The following GCN1 variants were observed in gnomAD, a reference collection of about 807,000 sequenced individuals.
GCN1 encodes GCN1 activator of EIF2AK4.
A neutral mutation model predicts 288.4 loss-of-function variants in GCN1; 90 were observed. That is an observed-to-expected ratio of 0.31 (90% CI 0.26 to 0.37). The LOEUF (loss-of-function observed/expected upper bound fraction) is 0.37. Ranked by LOEUF, GCN1 falls within the 10% of genes least tolerant of loss-of-function variation. GCN1 has a pLI of 1.00. For missense variants in GCN1, 2,586 were observed against 3,419.9 expected (o/e 0.76, Z 6.08); for synonymous variants, 1,386 against 1,420.2 (o/e 0.98, Z 0.54).
intron 5 of GCN1, among the ~76,000 whole-genome samples, chr12:120,179,263 G>A (rs149992212): frequency 0.025 from 3,769 of 151,938 alleles, 157 homozygotes; most frequent in African/African-American, 0.084. Context: ...ACGGAGTCTC[G>A]CTCTGTCGCC....
chr12:120,157,932 A>ACTCCTC lies in GCN1; in HGVS notation c.2998_3003dup (p.Glu1000_Glu1001dup). 6.2e-7 allele frequency: 1 copy of ACTCCTC among 1,612,740 alleles called. No individual in the cohort carries two copies. Among genetic ancestry groups the ACTCCTC allele is most frequent in the Non-Finnish European group, 8.5e-7 (1 of 1,179,534 alleles). ...AGGATCTGAAGAATCTGGGCCATCC[A>ACTCCTC]CTCCTCCTCCTCCTCACTGTGGTGG... is the stretch of plus-strand genomic sequence containing the variant. On this transcript the variant is annotated inframe_insertion, in exon 26 of 58. Coordinates refer to ENST00000300648, the MANE Select transcript of GCN1 (RefSeq NM_006836.2).
intron 23 of GCN1, 49 bp downstream of exon 23, chr12:120,160,093 C>T: frequency 1.3e-6 from 2 of 1,586,450 alleles, no homozygotes; most frequent in African/African-American, 2.7e-5. Flanking sequence ...CAGGACCAAG[C>T]TGCCCAGCAC....
rs1877630232 is a variant in GCN1 at position 120,153,320 on chromosome 12, C to A, written c.3955G>T (p.Val1319Leu). The change falls in exon 33 of 58, where the codon GTG becomes TTG. Residue 1319 changes from valine (V) to leucine (L), a missense_variant. Physicochemically the swap from Val to Leu is conservative, Grantham distance 32. Transcript: ENST00000300648. This position sits in a 1 kb window ranked among gnomAD's most constrained non-coding sequence, Gnocchi z 4.4. ...GCCAGAGAGCCCATCAGGACCACCA[C>A]ACTCTGTCGCACAGCATCATAGCTG... ...DASYDAVRQSVVVLMGSLAKH... is the reference protein window; with the variant it reads ...DASYDAVRQSLVVLMGSLAKH... 1 of 1,614,078 alleles carries A rather than the reference C, an allele frequency of 6.2e-7. No individual in the cohort carries two copies. The highest frequency in any genetic ancestry group is 1.3e-5 in the African/African-American group (1 of 74,942).
chr12:120,189,311 T>C (rs1184023650), intron 2 of GCN1, among the ~76,000 whole-genome samples: 2 of 151,716 alleles, frequency 1.3e-5, no homozygotes, highest in Admixed American at 6.6e-5. Flanking sequence ...GACCTCGTGA[T>C]CCACTCGCCT....
rs1878381215 is a variant in GCN1 at position 120,173,719 on chromosome 12, T to C, written c.1300A>G (p.Ser434Gly). ...ACCGCAGATGTGGAGGTTTTAAGGCTGAAAGCTTTTTTGAACCATTCAGTG... is the reference window on the plus strand; with the variant it reads ...ACCGCAGATGTGGAGGTTTTAAGGCCGAAAGCTTTTTTGAACCATTCAGTG... ...KLTEWFKKAF[S>G]LKTSTSAVRH... The change falls in exon 14 of 58, where the codon AGC becomes GGC. Residue 434 changes from serine to glycine, a missense_variant. Physicochemically the swap from Ser to Gly is moderately conservative, Grantham distance 56. This residue lies in a region of GCN1 where 913 missense variants were observed against 1,107.0 expected (regional missense o/e 0.82). Coordinates refer to ENST00000300648, the MANE Select transcript of GCN1 (RefSeq NM_006836.2). 6.8e-6 allele frequency: 11 copies of C among 1,613,296 alleles called. No homozygotes were observed. Among genetic ancestry groups the C allele is most frequent in the Non-Finnish European group, 9.3e-6 (11 of 1,179,202 alleles).
chr12:120,188,027 C>T (rs1036082915), intron 2 of GCN1, among the ~76,000 whole-genome samples: 4 of 152,140 alleles, frequency 2.6e-5, no homozygotes, highest in Non-Finnish European at 4.4e-5. Flanking sequence ...AATGTGTTCC[C>T]CAGACCCTCA....
At chr12:120,159,679 G>C (rs944780907) in intron 24 of GCN1, 146 bp downstream of exon 24, 1 of 682,538 alleles carries the variant, frequency 1.5e-6, no homozygotes, top group Non-Finnish European at 2.6e-6. Flanking sequence ...TATCCAGCTT[G>C]AGTCTCCAAG....
chr12:120,179,076 C>CCACT (rs1878569063), intron 5 of GCN1, 126 bp from the exon 6 acceptor site: 5 of 709,808 alleles, frequency 7.0e-6, no homozygotes, highest in African/African-American at 1.8e-5. Flanking sequence ...TCAGCCTCTC[C>CCACT]CACTCAACTC....
At chr12:120,133,772 A>G (rs1876906430) in intron 53 of GCN1, among the ~76,000 whole-genome samples, 1 of 152,216 alleles carries the variant, frequency 6.6e-6, no homozygotes, top group Non-Finnish European at 1.5e-5. Context: ...CCTCATCTAT[A>G]AAATAGAAAT....
intron 15 of GCN1, among the ~76,000 whole-genome samples, chr12:120,169,245 C>T (rs940100149): frequency 2.7e-4 from 36 of 132,010 alleles, no homozygotes; most frequent in Non-Finnish European, 4.4e-4. Context: ...CCACTGCACT[C>T]CAGCCTGGGC....
At position 120,164,996 on chromosome 12, in the gene GCN1, CAT is replaced by C. The variant is rs199612431; in HGVS notation, c.1613-277_1613-276del. Among the ~76,000 whole-genome samples the C allele has an allele frequency of 7.7e-3, 843 of 108,868 alleles. 7 individuals carry two copies. Among genetic ancestry groups the C allele is most frequent in the Non-Finnish European group, 0.011 (588 of 55,564 alleles). 71.4% of individuals were successfully genotyped at this position (108,868 alleles called of 152,430 possible). A position where few individuals can be genotyped will look rare whatever the true frequency, so the allele number is the denominator to read the frequency against. On this transcript the variant is annotated intron_variant, in intron 16 of 57. Transcript: ENST00000300648. ...ATATATATACATATACATATATACACATATATACACACACACACACACACACA... is the reference window on the plus strand; with the variant it reads ...ATATATATACATATACATATATACACATATACACACACACACACACACACA...
At position 120,156,484 on chromosome 12, in the gene GCN1, T is replaced by G; in HGVS notation, c.3289A>C (p.Ser1097Arg). 2.5e-6 allele frequency: 4 copies of G among 1,613,984 alleles called. No individual in the cohort carries two copies. Among genetic ancestry groups the G allele is most frequent in the Non-Finnish European group, 3.4e-6 (4 of 1,179,956 alleles). Residue 1097 changes from serine (S) to arginine (R), a missense_variant, in exon 28 of 58, where the codon AGC (serine) becomes CGC (arginine). Coordinates refer to ENST00000300648, the MANE Select transcript of GCN1 (RefSeq NM_006836.2). The surrounding 1 kb of genome is among the most constrained non-coding windows in gnomAD (Gnocchi z 5.8). ...ACCCGGAGCACGGTTTCCCGCACGCTGGCACACGGGGACTGCAAGGCACAG... is the reference window on the plus strand; with the variant it reads ...ACCCGGAGCACGGTTTCCCGCACGCGGGCACACGGGGACTGCAAGGCACAG... ...LLCALQSPCASVRETVLRGLM... is the reference protein window; with the variant it reads ...LLCALQSPCARVRETVLRGLM...
At chr12:120,130,592 A>G in intron 56 of GCN1, 54 bp downstream of exon 56, 5 of 1,168,298 alleles carry the variant, frequency 4.3e-6, no homozygotes, top group Non-Finnish European at 6.5e-6. Flanking sequence ...TGATCCTAGG[A>G]CCTCCTCACA....
intron 18 of GCN1, among the ~76,000 whole-genome samples, chr12:120,163,576 G>A (rs1878002927): frequency 1.3e-5 from 2 of 152,144 alleles, no homozygotes; most frequent in Admixed American, 6.5e-5. Flanking sequence ...TGGGAGGGAG[G>A]GAAGCAGTGG....
intron 14 of GCN1, among the ~76,000 whole-genome samples, chr12:120,171,620 G>T (rs1243800040): frequency 1.3e-5 from 2 of 152,072 alleles, no homozygotes; most frequent in African/African-American, 4.8e-5. Context: ...TTGAATCCAA[G>T]AAATCTTTAT....
intron 13 of GCN1, 93 bp from the exon 14 acceptor site, chr12:120,173,919 G>T: frequency 1.7e-6 from 2 of 1,150,516 alleles, no homozygotes; most frequent in Non-Finnish European, 2.6e-6. Flanking sequence ...GAGTACAAGC[G>T]GGAGGAAGCA....
intron 36 of GCN1, among the ~76,000 whole-genome samples, chr12:120,148,844 G>A (rs1021365487): frequency 2.0e-5 from 3 of 152,110 alleles, no homozygotes; most frequent in Non-Finnish European, 2.9e-5. Context: ...TTTTGAGACA[G>A]GGTCTCACGC....
At chr12:120,186,494 C>T (rs1878824519) in intron 2 of GCN1, among the ~76,000 whole-genome samples, 1 of 152,176 alleles carries the variant, frequency 6.6e-6, no homozygotes, top group Non-Finnish European at 1.5e-5. Flanking sequence ...ATTTAACCTG[C>T]AGTGTAAGAC....
rs1879116345 is a variant in GCN1, at chr12:120,194,675, C to A, written c.18+5G>T. 1.3e-6 allele frequency: 2 copies of A among 1,514,368 alleles called. No individual in the cohort carries two copies. The highest frequency in any genetic ancestry group is 2.0e-5 in the Admixed American group (1 of 49,436). The allele number at this position is 1,514,368 out of a possible 1,614,324, so 93.8% of individuals were successfully genotyped here. ...CCGCGTTGGCCCCGCAGCCGCCCGCCTCACCTGCGTGTCCGCCGCCATCCT... is the reference window on the plus strand; with the variant it reads ...CCGCGTTGGCCCCGCAGCCGCCCGCATCACCTGCGTGTCCGCCGCCATCCT... On this transcript the variant is annotated splice_donor_5th_base_variant and intron_variant, in intron 1 of 57. Coordinates refer to ENST00000300648, the MANE Select transcript of GCN1 (RefSeq NM_006836.2).
Sources: allele counts gnomAD v4.1 joint callset (sites outside exome capture counted in the v4.1 genomes callset), GRCh38; gene constraint gnomAD v4.1.1; regional missense constraint gnomAD v4.1.1; non-coding constraint Gnocchi (gnomAD v3.1); transcripts MANE v1.5; gene names NCBI Gene and HGNC (gene_info 2026-07-23, HGNC 2026-07-21).